Variants in SLC25A26 observed in about 807,000 individuals in gnomAD.
SLC25A26 encodes mitochondrial S-adenosylmethionine carrier protein.
Under a neutral mutation model 37.8 loss-of-function variants are expected in SLC25A26, and 36 were observed. That is an observed-to-expected ratio of 0.95 (90% confidence interval 0.73 to 1.26). SLC25A26 has a LOEUF of 1.26. SLC25A26 is among the 50% of genes most tolerant of loss of function. SLC25A26 has a pLI of 0.00. For missense variants in SLC25A26, 390 were observed against 331.1 expected (o/e 1.18, Z -1.38); for synonymous variants, 129 against 122.5 (o/e 1.05, Z -0.35).
At chr3:66,187,759 C>CGTTGA (rs1553652959) in intron 1 of SLC25A26, among the ~76,000 whole-genome samples, 1 of 151,318 alleles carries the variant, frequency 6.6e-6, no homozygotes, top group Non-Finnish European at 1.5e-5. Flanking sequence ...ATGAACTGGA[C>CGTTGA]CTTGTCCCTG....
intron 1 of SLC25A26, among the ~76,000 whole-genome samples, chr3:66,187,183 T>C (rs2070845585): frequency 1.3e-5 from 2 of 151,900 alleles, no homozygotes; most frequent in Non-Finnish European, 2.9e-5. Context: ...ACCCTGACCC[T>C]CACCATGACA....
chr3:66,279,245 G>T (rs549533108), intron 5 of SLC25A26, among the ~76,000 whole-genome samples: 6 of 152,054 alleles, frequency 3.9e-5, no homozygotes, highest in Admixed American at 3.3e-4. Flanking sequence ...GGGAATCTTG[G>T]AATCTTTCAT....
chr3:66,304,487 G>C (rs813636), intron 5 of SLC25A26: 290,786 of 455,890 alleles, frequency 0.64, 95,113 homozygotes, highest in African/African-American at 0.85. Flanking sequence ...GGGGAGGCTT[G>C]TGAGCTTCTG....
At chr3:66,281,707 A>G (rs2074344390) in intron 5 of SLC25A26, among the ~76,000 whole-genome samples, 1 of 152,034 alleles carries the variant, frequency 6.6e-6, no homozygotes, top group South Asian at 2.1e-4. Context: ...TTGTTCGGTA[A>G]TTATAGTCTA....
intron 1 of SLC25A26, among the ~76,000 whole-genome samples, chr3:66,161,017 C>T (rs1176433490): frequency 6.6e-6 from 1 of 152,110 alleles, no homozygotes; most frequent in African/African-American, 2.4e-5. Context: ...CATTTTCTTT[C>T]CCCTCCTAAT....
intron 6 of SLC25A26, among the ~76,000 whole-genome samples, chr3:66,346,636 G>A (rs1313334838): frequency 6.6e-6 from 1 of 151,860 alleles, no homozygotes; most frequent in East Asian, 1.9e-4. Context: ...GAAATCCACA[G>A]ATAATAAGAA....
chr3:66,302,416 C>T (rs2075102602), intron 5 of SLC25A26, among the ~76,000 whole-genome samples: 1 of 152,198 alleles, frequency 6.6e-6, no homozygotes, highest in South Asian at 2.1e-4. Context: ...AGAGTAGCGG[C>T]TGCTTGTTTT....
intron 7 of SLC25A26, among the ~76,000 whole-genome samples, chr3:66,363,302 C>T (rs865863204): frequency 1.3e-5 from 2 of 152,144 alleles, no homozygotes; most frequent in Non-Finnish European, 2.9e-5. Flanking sequence ...GGGGTTTAAG[C>T]GATTTCTGCA....
At chr3:66,244,773 G>C (rs1441815714) in intron 3 of SLC25A26, among the ~76,000 whole-genome samples, 1 of 151,862 alleles carries the variant, frequency 6.6e-6, no homozygotes, top group Non-Finnish European at 1.5e-5. Flanking sequence ...GAGATCGAGA[G>C]CATCCTGGCT....
At chr3:66,339,970 C>G (rs566168511) in intron 5 of SLC25A26, among the ~76,000 whole-genome samples, 26 of 152,036 alleles carry the variant, frequency 1.7e-4, no homozygotes, top group African/African-American at 6.0e-4. Flanking sequence ...GTGTTTTCTT[C>G]TAGGGGTTTT....
chr3:66,297,844 A>AGGGCT (rs1207791345), intron 5 of SLC25A26, among the ~76,000 whole-genome samples: 1 of 152,212 alleles, frequency 6.6e-6, no homozygotes, highest in African/African-American at 2.4e-5. Context: ...ATCATCTTTG[A>AGGGCT]GGGCTGTGCT....
chr3:66,182,279 A>C (rs1207617918), intron 1 of SLC25A26, among the ~76,000 whole-genome samples: 1 of 152,204 alleles, frequency 6.6e-6, no homozygotes, highest in Non-Finnish European at 1.5e-5. Flanking sequence ...TTGAAAAAGC[A>C]GATTTCATAT....
intron 5 of SLC25A26, among the ~76,000 whole-genome samples, chr3:66,290,435 G>C (rs1156651064): frequency 2.0e-5 from 3 of 152,170 alleles, no homozygotes; most frequent in African/African-American, 7.2e-5. Flanking sequence ...CATTCAATAT[G>C]ATACAGGCTG....
intron 1 of SLC25A26, among the ~76,000 whole-genome samples, chr3:66,172,944 A>C (rs2070522401): frequency 6.6e-6 from 1 of 152,186 alleles, no homozygotes; most frequent in Non-Finnish European, 1.5e-5. Context: ...ATTTCCAAAT[A>C]AGGTCACATT....
In SLC25A26 at chr3:66,138,648, G is replaced by C. The variant is rs537380749; in HGVS notation, c.-354+4664G>C. ...TGGTGGGAGGATTGATGCAGGGGGA[G>C]GGGGGGTAGGGATGTATTGGGGTAG... On this transcript the variant is annotated intron_variant, in intron 1 of 10. Transcript: ENST00000676754. Among the ~76,000 whole-genome samples, 5 of 151,860 alleles carry C rather than the reference G, an allele frequency of 3.3e-5. No individual in the cohort carries two copies. In the East Asian group the frequency reaches 9.7e-4, roughly 30 times the overall value.
At position 66,236,628 on chromosome 3, in the gene SLC25A26, T is replaced by G; in HGVS notation, c.118T>G (p.Phe40Val). The G allele has an allele frequency of 6.5e-7, 1 of 1,530,316 alleles. No homozygotes were observed. The highest frequency in any genetic ancestry group is 8.8e-7 in the Non-Finnish European group (1 of 1,142,260). 94.8% of individuals were successfully genotyped at this position (1,530,316 alleles called of 1,614,324 possible). A position where few individuals can be genotyped will look rare whatever the true frequency, so the allele number is the denominator to read the frequency against. The change falls in exon 2 of 10, where the codon TTT becomes GTT. Residue 40 changes from phenylalanine to valine, a missense_variant. By Grantham distance (50) the Phe-to-Val change is conservative. Coordinates refer to ENST00000354883, the MANE Select transcript of SLC25A26 (RefSeq NM_001379210.1). Reference sequence around the variant, plus strand: ...AACCAGGCTGCAGAGTCCCCAAGGATTTAGTAAGGCTGGTGGTTTTCATGG... The same window carrying G: ...AACCAGGCTGCAGAGTCCCCAAGGAGTTAGTAAGGCTGGTGGTTTTCATGG... The part of the protein sequence containing the change: ...IKTRLQSPQG[F>V]SKAGGFHGIY...
intron 5 of SLC25A26, among the ~76,000 whole-genome samples, chr3:66,310,639 C>T (rs1348754720): frequency 6.6e-6 from 1 of 152,148 alleles, no homozygotes; most frequent in African/African-American, 2.4e-5. Flanking sequence ...TGGGATTTTC[C>T]TTTCCATATT....
intron 6 of SLC25A26, among the ~76,000 whole-genome samples, chr3:66,351,172 G>C (rs1226095015): frequency 6.6e-6 from 1 of 152,180 alleles, no homozygotes; most frequent in Non-Finnish European, 1.5e-5. Flanking sequence ...GAGTCCGTCA[G>C]AGTGGCACCC....
At chr3:66,160,462 G>T (rs999845371) in intron 1 of SLC25A26, among the ~76,000 whole-genome samples, 3 of 152,202 alleles carry the variant, frequency 2.0e-5, no homozygotes, top group Admixed American at 1.3e-4. Context: ...ATAAAGTTCT[G>T]CTCAAGGAAA....
Sources: gnomAD v4.1 joint callset for allele counts (sites outside exome capture counted in the v4.1 genomes callset) on GRCh38, gnomAD v4.1.1 for gene constraint, MANE v1.5 for transcripts, NCBI Gene and HGNC (gene_info 2026-07-23, HGNC 2026-07-21) for gene names.